Variants in SYN3 observed in about 807,000 individuals in gnomAD.
The protein encoded by SYN3 is synapsin III, also known as synapsin-3.
Under a neutral mutation model 65.8 loss-of-function variants are expected in SYN3, and 35 were observed. That is an observed-to-expected ratio of 0.53 (90% CI 0.41 to 0.70). SYN3 has a LOEUF of 0.70. Among genes scored for constraint, SYN3 ranks in the 30% least tolerant of loss-of-function variants. The pLI is 0.00. For synonymous variants in SYN3, 270 were observed against 292.9 expected (o/e 0.92, Z 0.80); for missense variants, 680 against 749.0 (o/e 0.91, Z 1.08).
At chr22:32,860,863 G>T (rs1859976067) in intron 6 of SYN3, 1 of 150,926 alleles carries the variant, frequency 6.6e-6, no homozygotes, top group South Asian at 2.1e-4. Context: ...TAAAATTGTT[G>T]GTCACTGGGG....
At chr22:32,633,568 G>A (rs1408955191) in intron 6 of SYN3, among the ~76,000 whole-genome samples, 1 of 152,178 alleles carries the variant, frequency 6.6e-6, no homozygotes, top group African/African-American at 2.4e-5. Context: ...CAGGTGGTAC[G>A]CCGAGGACAG....
chr22:32,774,596 CT>C (rs11423621), intron 6 of SYN3, among the ~76,000 whole-genome samples: 20 of 149,346 alleles, frequency 1.3e-4, no homozygotes, highest in African/African-American at 3.4e-4. Context: ...AAGCATTGCA[CT>C]TTTTTTTTTT....
chr22:32,954,942 C>CTT (rs770971735), intron 3 of SYN3, among the ~76,000 whole-genome samples: 1,472 of 118,890 alleles, frequency 0.012, 36 homozygotes, highest in African/African-American at 0.042. Flanking sequence ...TTTTCCTTTT[C>CTT]TTTTTTTTTT....
At chr22:32,674,298 T>C (rs2060411216) in intron 6 of SYN3, among the ~76,000 whole-genome samples, 2 of 151,964 alleles carry the variant, frequency 1.3e-5, no homozygotes, top group African/African-American at 4.8e-5. Context: ...GGAATTGGGG[T>C]GGGGAGGCAC....
chr22:32,649,450 C>T (rs2060030438), intron 6 of SYN3, among the ~76,000 whole-genome samples: 1 of 152,214 alleles, frequency 6.6e-6, no homozygotes, highest in Non-Finnish European at 1.5e-5. Flanking sequence ...ATTTCATCTT[C>T]AAACATCCCC....
chr22:32,640,761 G>A (rs917099744), intron 6 of SYN3, among the ~76,000 whole-genome samples: 28 of 152,142 alleles, frequency 1.8e-4, no homozygotes, highest in African/African-American at 5.8e-4. Flanking sequence ...CAGCTACTCC[G>A]GAAGCTGAGG....
chr22:33,004,818 G>T (rs1275428674), intron 2 of SYN3, among the ~76,000 whole-genome samples: 1 of 152,184 alleles, frequency 6.6e-6, no homozygotes, highest in Non-Finnish European at 1.5e-5. Context: ...GTTTTGAAAT[G>T]TGAGATTTGG....
intron 4 of SYN3, among the ~76,000 whole-genome samples, chr22:32,886,842 T>A (rs1285882736): frequency 6.6e-6 from 1 of 152,224 alleles, no homozygotes; most frequent in Non-Finnish European, 1.5e-5. Context: ...TTGAGATTTG[T>A]CTGCATAGTT....
chr22:32,980,763 C>T (rs969082009), intron 2 of SYN3, 61 bp from the exon 3 acceptor site: 2 of 1,504,656 alleles, frequency 1.3e-6, no homozygotes, highest in African/African-American at 2.7e-5. Flanking sequence ...TTTCTCCCTT[C>T]TCCCAAAGGC....
chr22:32,596,857 T>C, intron 6 of SYN3, 121 bp from the exon 7 acceptor site: 3 of 1,001,912 alleles, frequency 3.0e-6, no homozygotes, highest in Non-Finnish European at 4.5e-6. Flanking sequence ...CCCACAAGAA[T>C]GCTTCGACAG....
chr22:32,604,622 C>CG (rs1407351799), intron 6 of SYN3, among the ~76,000 whole-genome samples: 2 of 136,312 alleles, frequency 1.5e-5, no homozygotes, highest in African/African-American at 5.7e-5. Context: ...AAAGCCCTCC[C>CG]GGGCCACTGG....
chr22:32,823,348 G>C lies in SYN3; in HGVS notation c.711+41567C>G, dbSNP rs112173618. On this transcript the variant is annotated intron_variant, in intron 6 of 13. Transcript: ENST00000358763. The stretch of plus-strand genomic sequence containing the variant: ...GGACCTGCCACAGAGAATGCCGCAA[G>C]GGATGTTTCTGTTGGGAGCTGTGAG... Among the ~76,000 whole-genome samples the C allele has an allele frequency of 4.1e-3, 625 of 152,320 alleles. 2 individuals are homozygous for C. The highest frequency in any genetic ancestry group is 6.8e-3 in the Middle Eastern group (2 of 294).
chr22:32,541,588 G>T lies in SYN3; in HGVS notation c.900C>A (p.Ser300=). 1 of 1,613,962 alleles carries T rather than the reference G, an allele frequency of 6.2e-7. No homozygotes were observed. Among genetic ancestry groups the T allele is most frequent in the South Asian group, 1.1e-5 (1 of 91,060 alleles). Residue 300 remains serine, a synonymous_variant, in exon 8 of 14, where the codon TCC becomes TCA. Coordinates refer to ENST00000358763, the MANE Select transcript of SYN3 (RefSeq NM_003490.4). The part of the protein sequence containing the change: ...KYDIRIQKIG[S]NYKAYMRTSI... ...AGACTCACATGTAAGCCTTGTAGTTGGATCCAATTTTCTGGATGCGGATGT... is the reference window on the plus strand; with the variant it reads ...AGACTCACATGTAAGCCTTGTAGTTTGATCCAATTTTCTGGATGCGGATGT...
chr22:32,528,074 C>G, intron 11 of SYN3, 69 bp from the exon 12 acceptor site: 1 of 1,199,136 alleles, frequency 8.3e-7, no homozygotes. Context: ...GAGAGGGCAG[C>G]ATTTATGAAG....
At chr22:32,747,878 T>C (rs2044987007) in intron 6 of SYN3, among the ~76,000 whole-genome samples, 1 of 152,154 alleles carries the variant, frequency 6.6e-6, no homozygotes, top group Admixed American at 6.5e-5. Context: ...CTGGGCTTGG[T>C]CAGTACAGGT....
intron 2 of SYN3, among the ~76,000 whole-genome samples, chr22:32,996,670 G>C (rs1448732317): frequency 5.3e-5 from 8 of 152,236 alleles, no homozygotes; most frequent in Non-Finnish European, 1.0e-4. Flanking sequence ...GAATAGAAAA[G>C]ATCTTGCCTG....
intron 3 of SYN3, among the ~76,000 whole-genome samples, chr22:32,950,587 C>T (rs796065530): frequency 8.2e-5 from 12 of 147,042 alleles, no homozygotes; most frequent in African/African-American, 3.0e-4. Context: ...TCCCAGGAGG[C>T]CCGGATGTCC....
chr22:32,730,286 G>A lies in SYN3; in HGVS notation c.712-133550C>T, dbSNP rs552530862. Among the ~76,000 whole-genome samples the A allele has an allele frequency of 8.6e-4, 131 of 152,236 alleles. 1 individual carries two copies. The highest frequency in any genetic ancestry group is 3.0e-3 in the African/African-American group (123 of 41,534). ...GGCTGCATCAGACCATATAATGGTC[G>A]GGTACCATTAAGCATGTGCTTTAAT... On this transcript the variant is annotated intron_variant, in intron 6 of 13. Coordinates refer to ENST00000358763, the MANE Select transcript of SYN3 (RefSeq NM_003490.4).
intron 6 of SYN3, among the ~76,000 whole-genome samples, chr22:32,769,549 T>A (rs933682038): frequency 1.3e-5 from 2 of 151,380 alleles, no homozygotes; most frequent in Admixed American, 1.3e-4. Context: ...TGAGTTTTGC[T>A]CTTGTTGCCC....
Sources: allele counts gnomAD v4.1 joint callset (sites outside exome capture counted in the v4.1 genomes callset), GRCh38; gene constraint gnomAD v4.1.1; transcripts MANE v1.5; gene names NCBI Gene and HGNC (gene_info 2026-07-23, HGNC 2026-07-21).